The following CCDC178 variants were observed in gnomAD, a reference collection of about 807,000 sequenced individuals.
CCDC178 encodes coiled-coil domain containing 178.
CCDC178 carries 126 observed loss-of-function variants against 117.4 expected under a neutral mutation model. The observed-to-expected ratio is 1.07, with a 90% CI of 0.93 to 1.24. CCDC178 has a LOEUF of 1.24. Ranked by LOEUF, CCDC178 falls within the 50% of genes most tolerant of loss-of-function variation. The pLI is 0.00. For missense variants in CCDC178, 1,030 were observed against 986.9 expected (o/e 1.04, Z -0.59); for synonymous variants, 283 against 313.4 (o/e 0.90, Z 1.02).
chr18:33,350,449 A>G (rs1185434170), intron 7 of CCDC178, among the ~76,000 whole-genome samples: 1 of 152,066 alleles, frequency 6.6e-6, no homozygotes, highest in Non-Finnish European at 1.5e-5. Flanking sequence ...CCTTTCTTCA[A>G]CCCACTATCC....
At chr18:33,121,604 G>T (rs1323979996) in intron 20 of CCDC178, among the ~76,000 whole-genome samples, 2 of 152,014 alleles carry the variant, frequency 1.3e-5, no homozygotes, top group Non-Finnish European at 2.9e-5. Context: ...TGTTTTTTTG[G>T]AATGTAGCAA....
Position 33,373,567 on chromosome 18 carries a change from CA to C in CCDC178, c.209-3379del, listed in dbSNP as rs542797107. On this transcript the variant is annotated intron_variant, in intron 5 of 22. Transcript: ENST00000383096. ...TATACAAATATTAAGATCCATCTTA[CA>C]AGGTTCCTTGCCTGTGCGGAATACT... is the stretch of plus-strand genomic sequence containing the variant. Among the ~76,000 whole-genome samples the C allele has an allele frequency of 4.6e-5, 7 of 152,264 alleles. No individual in the cohort carries two copies. In the South Asian group the frequency reaches 1.2e-3, roughly 27 times the overall value.
At chr18:33,429,758 T>C (rs2064180719) in intron 2 of CCDC178, among the ~76,000 whole-genome samples, 1 of 152,164 alleles carries the variant, frequency 6.6e-6, no homozygotes, top group African/African-American at 2.4e-5. Flanking sequence ...GTAAATCACT[T>C]ATCTTCAATG....
rs901136144 is a variant in CCDC178, at chr18:33,326,632, C to A, written c.880-2999G>T. 2.6e-5 allele frequency among the ~76,000 whole-genome samples: 4 copies of A among 152,110 alleles called. No homozygotes were observed. In the East Asian group the frequency reaches 7.8e-4, roughly 29 times the overall value. ...CCAGAGTTGTTTACTCTAAAGGGGG[C>A]AACTCTTTACTTCCCACTCTGTATC... is the stretch of plus-strand genomic sequence containing the variant. On this transcript the variant is annotated intron_variant, in intron 10 of 22. Coordinates refer to ENST00000383096, the MANE Select transcript of CCDC178 (RefSeq NM_001105528.4).
chr18:33,268,779 CCT>C (rs1427837713), intron 12 of CCDC178, among the ~76,000 whole-genome samples: 3 of 151,292 alleles, frequency 2.0e-5, no homozygotes, highest in African/African-American at 7.3e-5. Context: ...CTGAAAACTC[CCT>C]CTTATATAAA....
At chr18:33,376,565 T>C (rs1028666260) in intron 5 of CCDC178, among the ~76,000 whole-genome samples, 3 of 152,120 alleles carry the variant, frequency 2.0e-5, no homozygotes, top group East Asian at 1.9e-4. Flanking sequence ...TTGAGCATAG[T>C]ACATAATGGT....
intron 20 of CCDC178, among the ~76,000 whole-genome samples, chr18:33,153,511 T>C (rs2058362002): frequency 1.3e-5 from 2 of 152,162 alleles, no homozygotes; most frequent in Admixed American, 6.5e-5. Context: ...ATTATGTCTA[T>C]ACTTATTTCT....
chr18:33,133,841 A>G (rs1430496858), intron 20 of CCDC178, among the ~76,000 whole-genome samples: 4 of 152,004 alleles, frequency 2.6e-5, no homozygotes, highest in Non-Finnish European at 4.4e-5. Flanking sequence ...GAAAACATTA[A>G]TTCAATTCTA....
chr18:33,312,845 G>A (rs775801864), intron 11 of CCDC178, among the ~76,000 whole-genome samples: 1 of 152,148 alleles, frequency 6.6e-6, no homozygotes, highest in African/African-American at 2.4e-5. Flanking sequence ...GCTTGAATCT[G>A]GCCACCCTCC....
intron 20 of CCDC178, among the ~76,000 whole-genome samples, chr18:33,201,027 T>G (rs1289606327): frequency 6.6e-6 from 1 of 152,228 alleles, no homozygotes; most frequent in Non-Finnish European, 1.5e-5. Flanking sequence ...TTGCGTCACT[T>G]CATTTGGACT....
At chr18:33,230,840 C>A (rs1051157088) in intron 15 of CCDC178, among the ~76,000 whole-genome samples, 1 of 152,194 alleles carries the variant, frequency 6.6e-6, no homozygotes, top group Admixed American at 6.5e-5. Flanking sequence ...CCTGAAAAAG[C>A]ACTGAAGGAA....
At chr18:33,270,577 T>A (rs9967106) in intron 12 of CCDC178, among the ~76,000 whole-genome samples, 3 of 151,416 alleles carry the variant, frequency 2.0e-5, no homozygotes, top group Non-Finnish European at 4.4e-5. Context: ...GAAACAGAAG[T>A]TATATACTAG....
chr18:32,977,797 T>C (rs939895678), intron 21 of CCDC178, among the ~76,000 whole-genome samples: 1 of 152,140 alleles, frequency 6.6e-6, no homozygotes, highest in Non-Finnish European at 1.5e-5. Context: ...TACCTTATTA[T>C]TTCCCCCAAG....
chr18:33,226,757 A>T, intron 16 of CCDC178, 36 bp downstream of exon 16: 1 of 1,405,980 alleles, frequency 7.1e-7, no homozygotes. Context: ...TGCAAATTAA[A>T]GGAAGAATAA....
chr18:33,282,129 C>A (rs1303476711), intron 12 of CCDC178, among the ~76,000 whole-genome samples: 1 of 152,114 alleles, frequency 6.6e-6, no homozygotes, highest in African/African-American at 2.4e-5. Flanking sequence ...CATTTTTGAA[C>A]CACAACAGTT....
intron 20 of CCDC178, among the ~76,000 whole-genome samples, chr18:33,176,090 G>T (rs893232501): frequency 8.6e-5 from 13 of 151,882 alleles, no homozygotes; most frequent in Non-Finnish European, 1.9e-4. Context: ...AGCTTCCTAT[G>T]TATTACTTCC....
In CCDC178 at chr18:32,954,161, T is replaced by C. The variant is rs1007858702; in HGVS notation, c.2524-16070A>G. ...ATTTTCCTAATGCTGCCCTGGTTCA[T>C]TTTTTTCATTAATTAACTCAATACC... On this transcript the variant is annotated intron_variant, in intron 22 of 22. Coordinates refer to ENST00000383096, the MANE Select transcript of CCDC178 (RefSeq NM_001105528.4). 11 of 152,164 alleles carry C rather than the reference T, an allele frequency of 7.2e-5. 1 individual carries two copies. The highest frequency in any genetic ancestry group is 7.2e-4 in the Admixed American group (11 of 15,280). The allele number at this position is 152,164 out of a possible 1,614,324, so 9.4% of individuals were successfully genotyped here. A position where few individuals can be genotyped will look rare whatever the true frequency, so the allele number is the denominator to read the frequency against.
chr18:33,356,509 G>GC (rs1297044309), intron 6 of CCDC178, among the ~76,000 whole-genome samples, 163 bp from the exon 7 acceptor site: 1 of 150,938 alleles, frequency 6.6e-6, no homozygotes, highest in Non-Finnish European at 1.5e-5. Flanking sequence ...AAAATTCTAA[G>GC]CCCCCCCAAC....
chr18:33,043,238 G>A (rs1161893928), intron 21 of CCDC178, among the ~76,000 whole-genome samples: 1 of 151,942 alleles, frequency 6.6e-6, no homozygotes, highest in East Asian at 1.9e-4. Context: ...TTCTATTTCA[G>A]TAAAAAAACT....
Sources: allele counts gnomAD v4.1 joint callset (sites outside exome capture counted in the v4.1 genomes callset), GRCh38; gene constraint gnomAD v4.1.1; transcripts MANE v1.5; gene names NCBI Gene and HGNC (gene_info 2026-07-23, HGNC 2026-07-21).